Variants in TBX1 observed in about 807,000 individuals in gnomAD.
TBX1 encodes the protein T-box transcription factor TBX1.
Under a neutral mutation model 40.8 loss-of-function variants are expected in TBX1, and 16 were observed. The observed-to-expected ratio is 0.39, with a 90% CI of 0.27 to 0.60. The LOEUF is 0.60. Among genes scored for constraint, TBX1 ranks in the 20% least tolerant of loss-of-function variants. TBX1 has a pLI of 0.51. For missense variants in TBX1, 755 were observed against 728.5 expected (o/e 1.04, Z -0.42); for synonymous variants, 403 against 336.8 (o/e 1.20, Z -2.15).
At chr22:19,763,200 C>A (rs1309534166) in intron 1 of TBX1, 41 bp from the exon 2 acceptor site, 2 of 1,579,584 alleles carry the variant, frequency 1.3e-6, no homozygotes, top group Admixed American at 3.3e-5. Flanking sequence ...GGGGGGCTGC[C>A]TTCCACCAGC....
At chr22:19,761,414 G>T in intron 1 of TBX1, 134 bp downstream of exon 1, 1 of 1,237,788 alleles carries the variant, frequency 8.1e-7, no homozygotes, top group Admixed American at 4.5e-5. Context: ...GGCCCCTCTG[G>T]GCCCCGCTGC....
intron 3 of TBX1, 98 bp downstream of exon 3, chr22:19,764,424 G>A (rs922045858): frequency 1.2e-4 from 185 of 1,509,718 alleles, no homozygotes; most frequent in Non-Finnish European, 1.5e-4. Context: ...CCAGGCCCCC[G>A]GCTGTCCCCA....
chr22:19,769,893 AT>A (rs1278947289), downstream of TBX1, among the ~76,000 whole-genome samples: 1 of 152,228 alleles, frequency 6.6e-6, no homozygotes, highest in Non-Finnish European at 1.5e-5. Context: ...GCCTATGGTC[AT>A]TTGTCCTAGC....
chr22:19,759,405 C>T, upstream of TBX1: 4 of 871,374 alleles, frequency 4.6e-6, no homozygotes, highest in Non-Finnish European at 5.5e-6. Context: ...AGGCCCCCGC[C>T]CCCGGACTCC....
chr22:19,767,582 C>G (rs1040012403), downstream of TBX1, among the ~76,000 whole-genome samples: 4 of 152,222 alleles, frequency 2.6e-5, no homozygotes, highest in Non-Finnish European at 4.4e-5. Flanking sequence ...CCCCCACCTT[C>G]CCACCGTCCC....
At chr22:19,764,936 G>C (rs1569021971) in intron 3 of TBX1, 22 bp from the exon 4 acceptor site, 1 of 1,613,810 alleles carries the variant, frequency 6.2e-7, no homozygotes, top group Non-Finnish European at 8.5e-7. Flanking sequence ...CGCTGGAGCT[G>C]ATTCCCCACC....
intron 4 of TBX1, 36 bp downstream of exon 4, chr22:19,765,149 C>G: frequency 6.2e-7 from 1 of 1,613,822 alleles, no homozygotes; most frequent in East Asian, 2.2e-5. Context: ...GCGGATTCAA[C>G]GCCTCTGGAA....
intron 6 of TBX1, 139 bp downstream of exon 6, chr22:19,766,141 A>G: frequency 2.6e-5 from 21 of 803,616 alleles, no homozygotes; most frequent in Non-Finnish European, 3.1e-5. Context: ...GGCGGCGGGC[A>G]AGCGCGCACT....
chr22:19,766,762 A>G lies in TBX1; in HGVS notation c.1410A>G (p.Pro470=), dbSNP rs553461195. Residue 470 remains proline, a synonymous_variant, in exon 7 of 7, where the codon CCA becomes CCG. Coordinates refer to ENST00000649276, the MANE Select transcript of TBX1 (RefSeq NM_001379200.1). Reference sequence around the variant, plus strand: ...ACCACCACCACCACCCCGTGAGTCCAGCCGCCGCGGCCGCCGCCGCCGCTG... The same window carrying G: ...ACCACCACCACCACCCCGTGAGTCCGGCCGCCGCGGCCGCCGCCGCCGCTG... ...HPHHHHHPVS[P]AAAAAAAAAA... 6 of 1,488,588 alleles carry G rather than the reference A, an allele frequency of 4.0e-6. No homozygotes were observed. The highest frequency in any genetic ancestry group is 2.7e-5 in the East Asian group (1 of 36,660). 92.2% of individuals were successfully genotyped at this position (1,488,588 alleles called of 1,614,324 possible). A position where few individuals can be genotyped will look rare whatever the true frequency, so the allele number is the denominator to read the frequency against.
chr22:19,763,093 C>G, intron 1 of TBX1, 148 bp from the exon 2 acceptor site: 1 of 703,120 alleles, frequency 1.4e-6, no homozygotes, highest in Non-Finnish European at 2.6e-6. Context: ...GCAGCTAAGC[C>G]AGGAAAGATG....
At chr22:19,774,905 C>CCT (rs34331122) in intron 8 of TBX1, among the ~76,000 whole-genome samples, 2 of 151,694 alleles carry the variant, frequency 1.3e-5, no homozygotes, top group Non-Finnish European at 2.9e-5. Flanking sequence ...CGGGAATACA[C>CCT]AATGCCACTG....
intron 4 of TBX1, 152 bp from the exon 5 acceptor site, chr22:19,765,606 T>C: frequency 1.2e-6 from 1 of 815,102 alleles, no homozygotes; most frequent in South Asian, 1.7e-5. Context: ...GAGCACCAGC[T>C]CCGTAGAGGA....
Position 19,761,376 on chromosome 22 carries a change from G to C in TBX1, c.437+96G>C, listed in dbSNP as rs1380806587. The C allele has an allele frequency of 6.1e-6, 8 of 1,301,592 alleles. No homozygotes were observed. In the South Asian group the frequency reaches 1.3e-4, roughly 21 times the overall value. The allele number at this position is 1,301,592 out of a possible 1,614,324, so 80.6% of individuals were successfully genotyped here. On this transcript the variant is annotated intron_variant, in intron 1 of 6. Transcript: ENST00000649276. ...TCCGCGCGAGCGGGGCCGAAAGCCG[G>C]GTCGGGGGCGCGGCCTGGCCACCTG...
rs1013546680 is a variant in TBX1 at position 19,779,154 on chromosome 22, C to G, written c.1010-66C>G. On this transcript the variant is annotated intron_variant, in intron 8 of 8. Coordinates refer to the TBX1 transcript ENST00000329705. ...CTGGACATTTGTGCAGTCTGATCTG[C>G]AAGAAAAGAGAGGCACCTCTGACAT... The G allele has an allele frequency of 5.7e-6, 9 of 1,580,792 alleles. No individual in the cohort carries two copies. The East Asian group carries it at 1.1e-4, about 20-fold the overall frequency.
downstream of TBX1, among the ~76,000 whole-genome samples, chr22:19,767,515 A>G (rs1330834492): frequency 1.3e-5 from 2 of 151,756 alleles, no homozygotes; most frequent in Non-Finnish European, 2.9e-5. Flanking sequence ...CCCGCCCCAT[A>G]GGGGCTCCCA....
rs1176229784 is a variant in TBX1 at position 19,766,581 on chromosome 22, G to T, written c.1229G>T (p.Arg410Leu). 5 of 1,467,746 alleles carry T rather than the reference G, an allele frequency of 3.4e-6. No individual in the cohort carries two copies. The highest frequency in any genetic ancestry group is 4.5e-6 in the Non-Finnish European group (5 of 1,113,468). The allele number at this position is 1,467,746 out of a possible 1,614,324, so 90.9% of individuals were successfully genotyped here. A position where few individuals can be genotyped will look rare whatever the true frequency, so the allele number is the denominator to read the frequency against. Reference protein sequence around the residue: ...GRPSPPNPELRLEAPGASEPL... With the variant: ...GRPSPPNPELLLEAPGASEPL... ...CCCAGTCCCCCGAACCCCGAGCTGCGCCTGGAGGCGCCCGGCGCATCGGAG... is the reference window on the plus strand; with the variant it reads ...CCCAGTCCCCCGAACCCCGAGCTGCTCCTGGAGGCGCCCGGCGCATCGGAG... Residue 410 changes from arginine to leucine, a missense_variant, in exon 7 of 7, where the codon CGC becomes CTC. Coordinates refer to ENST00000649276, the MANE Select transcript of TBX1 (RefSeq NM_001379200.1).
chr22:19,764,411 T>C, intron 3 of TBX1, 85 bp downstream of exon 3: 1 of 1,555,002 alleles, frequency 6.4e-7, no homozygotes, highest in Non-Finnish European at 8.8e-7. Flanking sequence ...GCCTGTAGAA[T>C]CCCCAGGCCC....
chr22:19,773,165 A>G (rs1937016406), intron 8 of TBX1, among the ~76,000 whole-genome samples: 1 of 152,270 alleles, frequency 6.6e-6, no homozygotes, highest in Admixed American at 6.5e-5. Context: ...CCTTCTGATA[A>G]CAATAAGTCA....
At chr22:19,772,925 G>A (rs966491086) in intron 8 of TBX1, among the ~76,000 whole-genome samples, 2 of 152,152 alleles carry the variant, frequency 1.3e-5, no homozygotes, top group African/African-American at 4.8e-5. Context: ...GGACAGAATC[G>A]GGGTCACTGG....
Sources: gnomAD v4.1 joint callset for allele counts (sites outside exome capture counted in the v4.1 genomes callset) on GRCh38, gnomAD v4.1.1 for gene constraint, MANE v1.5 for transcripts, NCBI Gene and HGNC (gene_info 2026-07-23, HGNC 2026-07-21) for gene names.